The following ABCC12 variants were observed in gnomAD, a reference collection of about 807,000 sequenced individuals.
ABCC12 encodes the protein ATP-binding cassette sub-family C member 12.
Under a neutral mutation model 151.1 loss-of-function variants are expected in ABCC12, and 142 were observed. The ratio of observed to expected loss-of-function variants is 0.94; its 90% CI spans 0.82 to 1.08. The LOEUF (loss-of-function observed/expected upper bound fraction) is 1.08, where lower values mean the gene tolerates loss of function less well. Among genes scored for constraint, ABCC12 ranks in the 50% least tolerant of loss-of-function variants. The pLI, the probability that ABCC12 is intolerant of heterozygous loss-of-function variation, is 0.00. For synonymous variants in ABCC12, 645 were observed against 646.4 expected (o/e 1.00, Z 0.03); for missense variants, 1,638 against 1,691.1 (o/e 0.97, Z 0.55).
chr16:48,145,673 G>A (rs1964973692), intron 3 of ABCC12, among the ~76,000 whole-genome samples: 1 of 152,240 alleles, frequency 6.6e-6, no homozygotes, highest in Non-Finnish European at 1.5e-5. Flanking sequence ...ACATTACTGT[G>A]TGACCGAGCC....
intron 8 of ABCC12, 120 bp downstream of exon 8, chr16:48,138,108 C>T: frequency 9.2e-7 from 1 of 1,081,338 alleles, no homozygotes. Flanking sequence ...ACCTGCAGAG[C>T]AGCTCAGAGG....
chr16:48,083,054 T>C lies in ABCC12; in HGVS notation c.*661A>G, dbSNP rs957641048. 1 of 152,252 alleles carries C rather than the reference T, an allele frequency of 6.6e-6. No homozygotes were observed. The highest frequency in any genetic ancestry group is 2.4e-5 in the African/African-American group (1 of 41,464). The allele number at this position is 152,252 out of a possible 1,614,324, so 9.4% of individuals were successfully genotyped here. On this transcript the variant is annotated 3_prime_UTR_variant, in exon 31 of 31. Coordinates refer to ENST00000311303, the MANE Select transcript of ABCC12 (RefSeq NM_001393797.1). The stretch of plus-strand genomic sequence containing the variant: ...ATAATTGCAAGGCGACATTTCAGGG[T>C]AATTTCCTACCGCGTTTTAACGACG...
At chr16:48,115,008 C>T (rs1319307518) in intron 15 of ABCC12, among the ~76,000 whole-genome samples, 1 of 152,194 alleles carries the variant, frequency 6.6e-6, no homozygotes, top group African/African-American at 2.4e-5. Flanking sequence ...GTCTACCACC[C>T]CCTGACACCC....
chr16:48,148,521 AG>A (rs1965072351), intron 2 of ABCC12, among the ~76,000 whole-genome samples: 1 of 152,194 alleles, frequency 6.6e-6, no homozygotes, highest in Non-Finnish European at 1.5e-5. Context: ...TACAGGCATG[AG>A]CTACTGTGCC....
At chr16:48,087,025 G>A (rs1250499846) in intron 27 of ABCC12, 5 of 518,882 alleles carry the variant, frequency 9.6e-6, no homozygotes, top group African/African-American at 7.6e-5. Context: ...CTCTGCAATG[G>A]AGCAGAGACC....
intron 7 of ABCC12, 115 bp downstream of exon 7, chr16:48,139,048 A>G: frequency 1.7e-6 from 2 of 1,190,134 alleles, no homozygotes; most frequent in Non-Finnish European, 2.3e-6. Flanking sequence ...TAAATCTGTG[A>G]GTACAAAATG....
At position 48,135,745 on chromosome 16, in the gene ABCC12, C is replaced by A. The variant is rs115036850; in HGVS notation, c.980-1910G>T. Among the ~76,000 whole-genome samples the A allele has an allele frequency of 3.3e-3, 501 of 152,250 alleles. 4 individuals carry two copies. The highest frequency in any genetic ancestry group is 0.011 in the African/African-American group (471 of 41,542). Reference sequence around the variant, plus strand: ...GGGAGAAATAAAACACATGTGCTGGCCTGAAGGCACCTGCCTGGTGTCCCA... The same window carrying A: ...GGGAGAAATAAAACACATGTGCTGGACTGAAGGCACCTGCCTGGTGTCCCA... On this transcript the variant is annotated intron_variant, in intron 8 of 30. Coordinates refer to ENST00000311303, the MANE Select transcript of ABCC12 (RefSeq NM_001393797.1).
rs750108801 is a variant in ABCC12 at position 48,086,769 on chromosome 16, ACC to A, written c.3684_3685del (p.Gln1228HisfsTer46). ...GTCTCTCATGAATGTTCTCTCCAGA[ACC>A]TGCCAGAGCATCTCATCGGTGTGAC... On this transcript the variant is annotated frameshift_variant, in exon 28 of 31. Transcript: ENST00000311303. LOFTEE classifies it high-confidence loss of function. 1 of 1,613,824 alleles carries A rather than the reference ACC, an allele frequency of 6.2e-7. No individual in the cohort carries two copies. The highest frequency in any genetic ancestry group is 8.5e-7 in the Non-Finnish European group (1 of 1,179,914).
At chr16:48,085,788 CT>C in intron 28 of ABCC12, 82 bp from the exon 29 acceptor site, 1 of 1,106,342 alleles carries the variant, frequency 9.0e-7, no homozygotes, top group Non-Finnish European at 1.4e-6. Context: ...GCCCCCTTCT[CT>C]TGCATTCATC....
intron 20 of ABCC12, among the ~76,000 whole-genome samples, chr16:48,105,571 T>C (rs1001749157): frequency 2.6e-4 from 39 of 151,904 alleles, no homozygotes; most frequent in African/African-American, 9.0e-4. Context: ...CTCAGCACAG[T>C]GGGAAAAACA....
At chr16:48,093,247 C>A (rs1962976442) in intron 24 of ABCC12, among the ~76,000 whole-genome samples, 1 of 152,170 alleles carries the variant, frequency 6.6e-6, no homozygotes, top group South Asian at 2.1e-4. Context: ...ACAGGTAATA[C>A]CCCGCCCCTG....
intron 22 of ABCC12, among the ~76,000 whole-genome samples, chr16:48,103,320 A>T (rs1456004251): frequency 1.3e-5 from 2 of 152,176 alleles, no homozygotes; most frequent in Non-Finnish European, 2.9e-5. Flanking sequence ...TACAATAACT[A>T]TCCCACTGGC....
intron 4 of ABCC12, among the ~76,000 whole-genome samples, chr16:48,141,996 G>A (rs928948748): frequency 6.6e-6 from 1 of 152,222 alleles, no homozygotes; most frequent in Non-Finnish European, 1.5e-5. Flanking sequence ...TCAGCCTCCA[G>A]GTGAGAGGTG....
At chr16:48,155,453 G>T (rs1342888971) in intron 1 of ABCC12, among the ~76,000 whole-genome samples, 10 of 149,388 alleles carry the variant, frequency 6.7e-5, no homozygotes, top group Admixed American at 6.6e-5. Context: ...CTTTTTTTTT[G>T]GGGGGGAGGT....
At chr16:48,152,004 G>A (rs1166181377) in intron 2 of ABCC12, among the ~76,000 whole-genome samples, 1 of 152,224 alleles carries the variant, frequency 6.6e-6, no homozygotes, top group Non-Finnish European at 1.5e-5. Flanking sequence ...TTTGTGTGGT[G>A]TGCCCGTGTC....
intron 22 of ABCC12, among the ~76,000 whole-genome samples, chr16:48,102,703 C>T (rs747628313): frequency 6.6e-6 from 1 of 152,186 alleles, no homozygotes; most frequent in Non-Finnish European, 1.5e-5. Flanking sequence ...TTGCCACTGT[C>T]CACGGACACC....
At chr16:48,147,422 T>C (rs758761565) in intron 2 of ABCC12, among the ~76,000 whole-genome samples, 13 of 152,180 alleles carry the variant, frequency 8.5e-5, no homozygotes, top group Non-Finnish European at 1.6e-4. Context: ...ACAAAGGCCT[T>C]ATTATTATAT....
At chr16:48,084,425 A>C (rs2150576785) in intron 29 of ABCC12, among the ~76,000 whole-genome samples, 1 of 151,312 alleles carries the variant, frequency 6.6e-6, no homozygotes, top group East Asian at 1.9e-4. Context: ...CAGCTCCTAC[A>C]TTCATTCCCT....
chr16:48,104,179 C>A lies in ABCC12; in HGVS notation c.2863G>T (p.Val955Leu), dbSNP rs200276015. 19 of 1,614,204 alleles carry A rather than the reference C, an allele frequency of 1.2e-5. No homozygotes were observed. The Admixed American group carries it at 2.8e-4, about 24-fold the overall frequency. ...AAGAAGCCTACAGCAAGGCTGGCCA[C>A]GACTAAAAGGACAGCAGGAAACACA... ...AAVFPAVLLVVASLAVGFFIL... is the reference protein window; with the variant it reads ...AAVFPAVLLVLASLAVGFFIL... The change falls in exon 22 of 31, where the codon GTG becomes TTG. Residue 955 changes from valine (V) to leucine (L), a missense_variant. Val to Leu is a conservative substitution (Grantham distance 32). Transcript: ENST00000311303.
Sources: gnomAD v4.1 joint callset for allele counts (sites outside exome capture counted in the v4.1 genomes callset) on GRCh38, gnomAD v4.1.1 for gene constraint, MANE v1.5 for transcripts, NCBI Gene and HGNC (gene_info 2026-07-23, HGNC 2026-07-21) for gene names.